ZC3H3: variants seen among roughly 807,000 people sequenced by gnomAD.
ZC3H3 encodes the protein zinc finger CCCH domain-containing protein 3.
A neutral mutation model predicts 77.3 loss-of-function variants in ZC3H3; 36 were observed. The observed-to-expected ratio is 0.47, with a 90% CI of 0.36 to 0.61. The LOEUF is 0.61. ZC3H3 is among the 20% of genes least tolerant of loss of function. The pLI is 0.00. For missense variants in ZC3H3, 1,331 were observed against 1,312.2 expected (o/e 1.01, Z -0.22); for synonymous variants, 626 against 555.2 (o/e 1.13, Z -1.79).
chr8:143,500,021 C>T (rs187880303), intron 4 of ZC3H3, among the ~76,000 whole-genome samples: 3 of 152,120 alleles, frequency 2.0e-5, no homozygotes, highest in Admixed American at 2.0e-4. Flanking sequence ...CCTTCGACAC[C>T]ACCCCCCAGC....
chr8:143,532,224 T>C (rs1211019896), intron 3 of ZC3H3, among the ~76,000 whole-genome samples: 1 of 21,248 alleles, frequency 4.7e-5, no homozygotes, highest in Non-Finnish European at 2.0e-4. Context: ...AAAAGGAAAT[T>C]ACGCGATTAC....
rs1353176767 is a variant in ZC3H3 at position 143,533,034 on chromosome 8, T to A, written c.1561+3223A>T. ...CGTCAGTGGCCTCACGCACAGGTCC[T>A]CCCGACTCTGCCCACTCGGGCCTGC... On this transcript the variant is annotated intron_variant, in intron 3 of 11. Coordinates refer to ENST00000262577, the MANE Select transcript of ZC3H3 (RefSeq NM_015117.3). The surrounding 1 kb of genome is among the most constrained non-coding windows in gnomAD (Gnocchi z 4.0). Among the ~76,000 whole-genome samples, 1 of 151,900 alleles carries A rather than the reference T, an allele frequency of 6.6e-6. No individual in the cohort carries two copies. The highest frequency in any genetic ancestry group is 2.4e-5 in the African/African-American group (1 of 41,338).
chr8:143,457,221 T>G (rs953900099), intron 9 of ZC3H3, among the ~76,000 whole-genome samples: 5 of 152,206 alleles, frequency 3.3e-5, no homozygotes, highest in African/African-American at 1.2e-4. Flanking sequence ...AACTCAGAAT[T>G]AAAATCTGTA....
intron 4 of ZC3H3, among the ~76,000 whole-genome samples, chr8:143,485,773 A>C (rs1282234211): frequency 6.6e-6 from 1 of 152,270 alleles, no homozygotes; most frequent in Non-Finnish European, 1.5e-5. Context: ...GCCAAAAGGC[A>C]AATCACACAA....
At chr8:143,476,364 G>A (rs985951178) in intron 4 of ZC3H3, among the ~76,000 whole-genome samples, 3 of 152,208 alleles carry the variant, frequency 2.0e-5, no homozygotes, top group Admixed American at 2.0e-4. Flanking sequence ...AGTTAGCTGA[G>A]CTGATGACCC....
intron 9 of ZC3H3, among the ~76,000 whole-genome samples, chr8:143,464,019 G>A (rs1242324792): frequency 6.6e-6 from 1 of 152,208 alleles, no homozygotes; most frequent in East Asian, 1.9e-4. Flanking sequence ...AAACTCTCTG[G>A]GGCCCATTTG....
At chr8:143,519,656 C>T (rs73715651) in intron 3 of ZC3H3, among the ~76,000 whole-genome samples, 1 of 152,108 alleles carries the variant, frequency 6.6e-6, no homozygotes, top group Non-Finnish European at 1.5e-5. Context: ...CGTGCACATG[C>T]GCCACAGCGG....
chr8:143,524,364 A>T (rs572105198), intron 3 of ZC3H3, among the ~76,000 whole-genome samples: 6 of 152,330 alleles, frequency 3.9e-5, no homozygotes, highest in Non-Finnish European at 7.4e-5. Flanking sequence ...GGGCCCTGAC[A>T]TGTGCCATGC....
Position 143,538,940 on chromosome 8 carries a change from G to T in ZC3H3, c.427C>A (p.Arg143=), listed in dbSNP as rs755125057. 6.2e-7 allele frequency: 1 copy of T among 1,613,026 alleles called. No individual in the cohort carries two copies. ...TCCTCAAATTCTTCCAAAGAGCCCCGCTGGGCCCCTGAGGCACTGGCAGAG... is the reference window on the plus strand; with the variant it reads ...TCCTCAAATTCTTCCAAAGAGCCCCTCTGGGCCCCTGAGGCACTGGCAGAG... ...SGSASASGAQ[R]GSLEEFEETP... The change falls in exon 2 of 12, where the codon CGG becomes AGG. Residue 143 remains arginine (R), a synonymous_variant. Coordinates refer to ENST00000262577, the MANE Select transcript of ZC3H3 (RefSeq NM_015117.3).
Position 143,437,860 on chromosome 8 carries a change from T to C in ZC3H3, c.*196A>G. 1.4e-6 allele frequency: 1 copy of C among 711,446 alleles called. No individual in the cohort carries two copies. The highest frequency in any genetic ancestry group is 2.3e-6 in the Non-Finnish European group (1 of 431,182). The allele number at this position is 711,446 out of a possible 1,614,324, so 44.1% of individuals were successfully genotyped here. ...GTGGGGTGGGGACAGGGGCCTGGCT[T>C]GGGGGAGGAAGACCAGGCCCTGCGC... On this transcript the variant is annotated 3_prime_UTR_variant, in exon 12 of 12. Transcript: ENST00000262577.
chr8:143,442,705 G>C (rs1384389747), intron 9 of ZC3H3, among the ~76,000 whole-genome samples: 1 of 152,236 alleles, frequency 6.6e-6, no homozygotes, highest in Non-Finnish European at 1.5e-5. Flanking sequence ...GCTGAGGTGT[G>C]GGTGTTGGTG....
intron 4 of ZC3H3, among the ~76,000 whole-genome samples, chr8:143,497,704 A>G (rs933065747): frequency 4.6e-5 from 7 of 152,228 alleles, no homozygotes; most frequent in African/African-American, 1.7e-4. Flanking sequence ...CCTGCCGGCC[A>G]GCAGCCCCAC....
intron 4 of ZC3H3, among the ~76,000 whole-genome samples, chr8:143,491,504 C>T (rs1821201267): frequency 6.6e-6 from 1 of 152,262 alleles, no homozygotes; most frequent in African/African-American, 2.4e-5. Context: ...GGAGCCAGCC[C>T]AAAAGGGCAA....
chr8:143,508,231 C>G (rs1188443374), intron 3 of ZC3H3, among the ~76,000 whole-genome samples: 1 of 152,198 alleles, frequency 6.6e-6, no homozygotes, highest in African/African-American at 2.4e-5. Flanking sequence ...CTTGGAGTCC[C>G]CTAGACAGTA....
rs150000049 is a variant in ZC3H3, at chr8:143,537,721, G to C, written c.1364+282C>G. On this transcript the variant is annotated intron_variant, in intron 2 of 11. Coordinates refer to ENST00000262577, the MANE Select transcript of ZC3H3 (RefSeq NM_015117.3). Reference sequence around the variant, plus strand: ...TCTGTGAACCCTGTGCAACTGGAACGGAAGCTGCCCCCAGCGAGCTGCTTG... The same window carrying C: ...TCTGTGAACCCTGTGCAACTGGAACCGAAGCTGCCCCCAGCGAGCTGCTTG... Among the ~76,000 whole-genome samples the C allele has an allele frequency of 3.2e-3, 485 of 152,358 alleles. 2 individuals carry two copies. The highest frequency in any genetic ancestry group is 0.011 in the South Asian group (55 of 4,832).
At chr8:143,463,744 C>T (rs1820331506) in intron 9 of ZC3H3, among the ~76,000 whole-genome samples, 1 of 152,214 alleles carries the variant, frequency 6.6e-6, no homozygotes, top group Non-Finnish European at 1.5e-5. Flanking sequence ...GACTCTGCGT[C>T]TCCGGGTCTG....
intron 4 of ZC3H3, among the ~76,000 whole-genome samples, chr8:143,507,298 A>T (rs1448581882): frequency 1.3e-5 from 2 of 152,220 alleles, no homozygotes; most frequent in Non-Finnish European, 2.9e-5. Flanking sequence ...CAGGGCAAGG[A>T]GTAGCTCACA....
intron 4 of ZC3H3, among the ~76,000 whole-genome samples, chr8:143,482,681 G>T (rs1820939078): frequency 6.6e-6 from 1 of 152,174 alleles, no homozygotes; most frequent in South Asian, 2.1e-4. Context: ...CAAGGAGGGA[G>T]GCATGGTCAG....
chr8:143,447,722 C>T (rs970986539), intron 9 of ZC3H3, among the ~76,000 whole-genome samples: 19 of 152,292 alleles, frequency 1.2e-4, no homozygotes, highest in Middle Eastern at 3.4e-3. Flanking sequence ...GCACTTCACA[C>T]GGCCGAGCAG....
Sources: allele counts gnomAD v4.1 joint callset (sites outside exome capture counted in the v4.1 genomes callset), GRCh38; gene constraint gnomAD v4.1.1; non-coding constraint Gnocchi (gnomAD v3.1); transcripts MANE v1.5; gene names NCBI Gene and HGNC (gene_info 2026-07-23, HGNC 2026-07-21).